DNM1: variants seen among roughly 807,000 people sequenced by gnomAD.
DNM1 encodes the protein dynamin-1.
A neutral mutation model predicts 104.6 loss-of-function variants in DNM1; 29 were observed. The observed-to-expected ratio is 0.28, with a 90% confidence interval of 0.21 to 0.38. DNM1 has a LOEUF of 0.38. DNM1 is among the 10% of genes least tolerant of loss of function. The probability of loss-of-function intolerance (pLI) is 1.00; values close to 1 mark genes in which losing one functional copy is unlikely to be tolerated. For missense variants in DNM1, 640 were observed against 1,189.4 expected, an observed-to-expected ratio of 0.54 and a Z score of 6.79; for synonymous variants, 445 against 475.8, an observed-to-expected ratio of 0.94 and a Z score of 0.84.
In DNM1 at chr9:128,222,950, A is replaced by G. The variant is rs917554402; in HGVS notation, c.1196+90A>G. ...GGGAGTGATGAAGTGGGCCTCCCTC[A>G]GGAAGGACTGAAAGCTCTGTTCCCC... On this transcript the variant is annotated intron_variant, in intron 9 of 21. Transcript: ENST00000372923. This position sits in a 1 kb window ranked among gnomAD's most constrained non-coding sequence, Gnocchi z 7.8. The G allele has an allele frequency of 6.7e-5, 84 of 1,260,348 alleles. No homozygotes were observed. Among genetic ancestry groups the G allele is most frequent in the Non-Finnish European group, 1.3e-5 (11 of 870,344 alleles). The allele number at this position is 1,260,348 out of a possible 1,614,324, so 78.1% of individuals were successfully genotyped here.
At chr9:128,213,057 T>C (rs1834396794) in intron 1 of DNM1, among the ~76,000 whole-genome samples, 1 of 152,196 alleles carries the variant, frequency 6.6e-6, no homozygotes, top group African/African-American at 2.4e-5. Flanking sequence ...TTTTATTTTT[T>C]AAATATTTCA....
rs12001345 is a variant in DNM1, at chr9:128,218,197, T to A, written c.162-34T>A. On this transcript the variant is annotated intron_variant, in intron 1 of 21. Transcript: ENST00000372923. This position sits in a 1 kb window ranked among gnomAD's most constrained non-coding sequence, Gnocchi z 4.8. ...CTGGGACAGAGGGCGCCCCCTCATA[T>A]CTTGACCCTCCTTTGACCTCCAACT... is the stretch of plus-strand genomic sequence containing the variant. 2.2e-3 allele frequency: 3,561 copies of A among 1,611,078 alleles called. 59 individuals are homozygous for A. In the African/African-American group the frequency reaches 0.039, roughly 18 times the overall value.
chr9:128,245,089 A>C lies in DNM1; in HGVS notation c.1672-1305A>C, dbSNP rs984557614. ...TGGGGGGAGGAGGCCGCTCCTACCT[A>C]GTGTCCAACCCCGAAGCACAGGGCG... On this transcript the variant is annotated intron_variant, in intron 15 of 21. Transcript: ENST00000372923. The surrounding 1 kb of genome is among the most constrained non-coding windows in gnomAD (Gnocchi z 5.2). The C allele has an allele frequency of 1.2e-5, 3 of 244,640 alleles. No homozygotes were observed. Among genetic ancestry groups the C allele is most frequent in the Non-Finnish European group, 2.6e-5 (3 of 117,310 alleles). The allele number at this position is 244,640 out of a possible 1,614,324, so 15.2% of individuals were successfully genotyped here.
intron 1 of DNM1, among the ~76,000 whole-genome samples, chr9:128,208,081 T>C (rs3003616): frequency 0.95 from 143,112 of 150,198 alleles, 68,332 homozygotes; most frequent in East Asian, 1. Context: ...TTTTTTGAGA[T>C]GGAGTCTCAC....
At position 128,254,159 on chromosome 9, in the gene DNM1, AC is replaced by A; in HGVS notation, c.2535-492del. On this transcript the variant is annotated intron_variant, in intron 21 of 21. Coordinates refer to ENST00000372923, the MANE Select transcript of DNM1 (RefSeq NM_004408.4). The surrounding 1 kb of genome is among the most constrained non-coding windows in gnomAD (Gnocchi z 6.1). ...TCAGAGGGTCCTGGGTTTTCTGAAC[AC>A]CCAGAGGGGCCTCCGGCGCTCCCTC... 1 of 1,299,320 alleles carries A rather than the reference AC, an allele frequency of 7.7e-7. No individual in the cohort carries two copies. The highest frequency in any genetic ancestry group is 2.7e-5 in the South Asian group (1 of 36,946). 80.5% of individuals were successfully genotyped at this position (1,299,320 alleles called of 1,614,324 possible). A position where few individuals can be genotyped will look rare whatever the true frequency, so the allele number is the denominator to read the frequency against.
chr9:128,209,840 C>G (rs1218304942), intron 1 of DNM1, among the ~76,000 whole-genome samples: 1 of 152,164 alleles, frequency 6.6e-6, no homozygotes, highest in Non-Finnish European at 1.5e-5. Context: ...TGAGCGTAGC[C>G]TACGAGGGGA....
chr9:128,224,023 T>G lies in DNM1; in HGVS notation c.1197-228T>G, dbSNP rs1835184557. 4 of 423,278 alleles carry G rather than the reference T, an allele frequency of 9.5e-6. No individual in the cohort carries two copies. The highest frequency in any genetic ancestry group is 4.1e-5 in the African/African-American group (2 of 48,802). 26.2% of individuals were successfully genotyped at this position (423,278 alleles called of 1,614,324 possible). ...AAGATTGCGCCACTGCACTCCAGCC[T>G]GGGCGACAGAGCAAGACTCCGTCTC... On this transcript the variant is annotated intron_variant, in intron 9 of 21. Transcript: ENST00000372923. The surrounding 1 kb of genome is among the most constrained non-coding windows in gnomAD (Gnocchi z 4.3).
rs1218027303 is a variant in DNM1 at position 128,234,104 on chromosome 9, G to T, written c.1419G>T (p.Glu473Asp). ...HIREREGRTK[E>D]QVMLLIDIEL... is the part of the protein sequence containing the mutation. ...GGGAGCGCGAGGGCCGCACTAAGGA[G>T]CAGGTGAGCCCCGCAGCACCCGGCC... The change falls in exon 11 of 22, where the codon GAG becomes GAT. Residue 473 changes from glutamate (E) to aspartate (D), a missense_variant. Around this residue, in one of 7 missense-constraint regions of DNM1, gnomAD observed 92 missense variants for 124.4 expected, o/e 0.74. Transcript: ENST00000372923. 1 of 1,553,090 alleles carries T rather than the reference G, an allele frequency of 6.4e-7. No homozygotes were observed.
chr9:128,249,211 G>T (rs957583997), intron 19 of DNM1, among the ~76,000 whole-genome samples: 2 of 135,234 alleles, frequency 1.5e-5, no homozygotes, highest in African/African-American at 5.6e-5. Flanking sequence ...AAAAAAAGAA[G>T]AAGAAATATA....
At position 128,242,425 on chromosome 9, in the gene DNM1, G is replaced by T. The variant is rs1178344228; in HGVS notation, c.1671+80G>T. The T allele has an allele frequency of 6.3e-6, 5 of 790,762 alleles. No individual in the cohort carries two copies. The African/African-American group carries it at 8.6e-5, about 14-fold the overall frequency. The allele number at this position is 790,762 out of a possible 1,614,324, so 49.0% of individuals were successfully genotyped here. On this transcript the variant is annotated intron_variant, in intron 15 of 21. Coordinates refer to ENST00000372923, the MANE Select transcript of DNM1 (RefSeq NM_004408.4). Reference sequence around the variant, plus strand: ...TCAGACCCTCCCATGGGCTTGGAGTGGGCTAGACCATGGAATAGGGTTTTA... The same window carrying T: ...TCAGACCCTCCCATGGGCTTGGAGTTGGCTAGACCATGGAATAGGGTTTTA...
At chr9:128,251,594 G>A (rs1829521085) in intron 21 of DNM1, 1 of 156,608 alleles carries the variant, frequency 6.4e-6, no homozygotes, top group Non-Finnish European at 1.4e-5. Context: ...GAAGCAGCCT[G>A]GGCCGTGGGC....
At position 128,253,986 on chromosome 9, in the gene DNM1, C is replaced by T. The variant is rs145794106; in HGVS notation, c.2535-668C>T. On this transcript the variant is annotated intron_variant, in intron 21 of 21. Transcript: ENST00000372923. The surrounding 1 kb of genome is among the most constrained non-coding windows in gnomAD (Gnocchi z 5.9). Reference sequence around the variant, plus strand: ...CCCCCATTCTCCTGCCACTGACTCTCGCTCTTCTGCTTTTCCCAGCAGGAA... The same window carrying T: ...CCCCCATTCTCCTGCCACTGACTCTTGCTCTTCTGCTTTTCCCAGCAGGAA... The T allele has an allele frequency of 9.2e-5, 113 of 1,234,058 alleles. No homozygotes were observed. The East Asian group carries it at 3.0e-3, about 33-fold the overall frequency. The allele number at this position is 1,234,058 out of a possible 1,614,324, so 76.4% of individuals were successfully genotyped here.
At chr9:128,209,394 G>A (rs1258152360) in intron 1 of DNM1, among the ~76,000 whole-genome samples, 6 of 152,202 alleles carry the variant, frequency 3.9e-5, no homozygotes, top group Non-Finnish European at 7.3e-5. Flanking sequence ...GCAGGTGGGA[G>A]AGTGGAGAGG....
chr9:128,211,472 C>CTTTTT (rs56712140), intron 1 of DNM1, among the ~76,000 whole-genome samples: 1 of 78,110 alleles, frequency 1.3e-5, no homozygotes. Flanking sequence ...CTGGAAGCCT[C>CTTTTT]TTTTTTTTTT....
rs72047067 is a variant in DNM1, at chr9:128,231,194, CTTT to C, written c.1336-2805_1336-2803del. 5.3e-4 allele frequency among the ~76,000 whole-genome samples: 36 copies of C among 68,508 alleles called. 1 individual carries two copies. Among genetic ancestry groups the C allele is most frequent in the African/African-American group, 2.0e-3 (33 of 16,822 alleles). The allele number at this position is 68,508 out of a possible 152,430, so 44.9% of individuals were successfully genotyped here. On this transcript the variant is annotated intron_variant, in intron 10 of 21. Coordinates refer to ENST00000372923, the MANE Select transcript of DNM1 (RefSeq NM_004408.4). ...AAAAGGAGGAAACTGATACTTTTGC[CTTT>C]TTTTTTTTTTTTTTTTTTTTTGGAG... is the stretch of plus-strand genomic sequence containing the variant.
chr9:128,250,066 C>A (rs1056933865), intron 19 of DNM1, 49 bp from the exon 20 acceptor site: 1 of 1,612,944 alleles, frequency 6.2e-7, no homozygotes, highest in African/African-American at 1.3e-5. Context: ...GCGGCCAGGG[C>A]GGCACAGGCA....
intron 1 of DNM1, among the ~76,000 whole-genome samples, chr9:128,211,028 C>T (rs1834258449): frequency 6.6e-6 from 1 of 152,208 alleles, no homozygotes; most frequent in Admixed American, 6.5e-5. Context: ...TCCTGAATGG[C>T]ATCTTCCCAG....
rs779667787 is a variant in DNM1, at chr9:128,220,348, G to A, written c.849+7G>A. On this transcript the variant is annotated splice_region_variant and intron_variant, in intron 6 of 21. Transcript: ENST00000372923. This position sits in a 1 kb window ranked among gnomAD's most constrained non-coding sequence, Gnocchi z 5.2. ...GCAGAAGGTCCTCAATCAGGTAGGC[G>A]ACCAAGCCAGGATGGGGCCTGGGGA... is the stretch of plus-strand genomic sequence containing the variant. 51 of 1,612,738 alleles carry A rather than the reference G, an allele frequency of 3.2e-5. No homozygotes were observed. The highest frequency in any genetic ancestry group is 4.0e-5 in the Non-Finnish European group (47 of 1,179,826).
At position 128,243,878 on chromosome 9, in the gene DNM1, A is replaced by G. The variant is rs1338358582; in HGVS notation, c.1671+1533A>G. Among the ~76,000 whole-genome samples the G allele has an allele frequency of 6.6e-6, 1 of 151,890 alleles. No individual in the cohort carries two copies. The highest frequency in any genetic ancestry group is 1.5e-5 in the Non-Finnish European group (1 of 67,994). Reference sequence around the variant, plus strand: ...TAAGTCGTGTGCGAAAACAGCTCTGAGAATCATATGTGGGGAGATGGGAGT... The same window carrying G: ...TAAGTCGTGTGCGAAAACAGCTCTGGGAATCATATGTGGGGAGATGGGAGT... On this transcript the variant is annotated intron_variant, in intron 15 of 21. Transcript: ENST00000372923. The surrounding 1 kb of genome is among the most constrained non-coding windows in gnomAD (Gnocchi z 4.0).
Sources: allele counts gnomAD v4.1 joint callset (sites outside exome capture counted in the v4.1 genomes callset), GRCh38; gene constraint gnomAD v4.1.1; regional missense constraint gnomAD v4.1.1; non-coding constraint Gnocchi (gnomAD v3.1); transcripts MANE v1.5; gene names NCBI Gene and HGNC (gene_info 2026-07-23, HGNC 2026-07-21).